The following CDH18 variants were observed in gnomAD, a reference collection of about 807,000 sequenced individuals.
CDH18 encodes the protein cadherin 18.
In CDH18, 31 loss-of-function variants were observed where a neutral mutation model predicts 67.9. That is an observed-to-expected ratio of 0.46 (90% confidence interval 0.34 to 0.62). The LOEUF is 0.62. CDH18 is among the 20% of genes least tolerant of loss of function. The pLI is 0.01. For synonymous variants in CDH18, 362 were observed against 347.2 expected (o/e 1.04, Z -0.48); for missense variants, 890 against 975.5 (o/e 0.91, Z 1.17).
intron 2 of CDH18, among the ~76,000 whole-genome samples, chr5:19,876,431 C>T (rs946330126): frequency 3.3e-5 from 5 of 152,016 alleles, no homozygotes; most frequent in African/African-American, 7.2e-5. Context: ...TAAACAATAA[C>T]GGGCCAGAGA....
chr5:19,474,208 G>C (rs1463310868), intron 12 of CDH18, among the ~76,000 whole-genome samples: 2 of 152,030 alleles, frequency 1.3e-5, no homozygotes, highest in Non-Finnish European at 2.9e-5. Flanking sequence ...TTGATGCTTT[G>C]TAGAAAATCA....
intron 2 of CDH18, among the ~76,000 whole-genome samples, chr5:19,875,970 G>C (rs988166059): frequency 5.3e-5 from 8 of 151,708 alleles, no homozygotes; most frequent in African/African-American, 1.5e-4. Context: ...CCCTAATATA[G>C]AGGTTTTTTT....
At chr5:19,702,506 C>T (rs1048638714) in intron 5 of CDH18, among the ~76,000 whole-genome samples, 3 of 151,520 alleles carry the variant, frequency 2.0e-5, no homozygotes, top group African/African-American at 7.3e-5. Context: ...TGGCTCACAC[C>T]TGTAATCCCA....
At chr5:20,502,196 T>C (rs1471500431) in intron 1 of CDH18, among the ~76,000 whole-genome samples, 5 of 152,190 alleles carry the variant, frequency 3.3e-5, no homozygotes, top group Admixed American at 2.6e-4. Flanking sequence ...CATAATTCTT[T>C]TTGAACTATT....
intron 2 of CDH18, among the ~76,000 whole-genome samples, chr5:19,914,728 A>G (rs1407516961): frequency 6.6e-6 from 1 of 152,108 alleles, no homozygotes; most frequent in Admixed American, 6.6e-5. Flanking sequence ...CCTAGCAATA[A>G]TACTGGCTTT....
At chr5:19,638,608 A>T (rs943695356) in intron 5 of CDH18, among the ~76,000 whole-genome samples, 3 of 151,176 alleles carry the variant, frequency 2.0e-5, no homozygotes, top group Admixed American at 2.0e-4. Flanking sequence ...GATGAGCATG[A>T]GGTGGTATCA....
chr5:20,412,889 G>A (rs1746914265), intron 1 of CDH18, among the ~76,000 whole-genome samples: 1 of 152,138 alleles, frequency 6.6e-6, no homozygotes, highest in Admixed American at 6.5e-5. Context: ...ATGTATACAT[G>A]TGCATGTTGG....
intron 1 of CDH18, among the ~76,000 whole-genome samples, chr5:20,359,775 C>A (rs1741941608): frequency 6.6e-6 from 1 of 151,446 alleles, no homozygotes; most frequent in East Asian, 2.0e-4. Context: ...TTAGCCTCAA[C>A]AAAACATTTG....
intron 2 of CDH18, among the ~76,000 whole-genome samples, chr5:20,169,456 T>A (rs1189063734): frequency 1.3e-5 from 2 of 152,142 alleles, no homozygotes; most frequent in Non-Finnish European, 1.5e-5. Flanking sequence ...CATTTTTCAA[T>A]AAAGTATATT....
intron 1 of CDH18, among the ~76,000 whole-genome samples, chr5:20,501,096 A>G (rs1273872380): frequency 6.6e-6 from 1 of 152,130 alleles, no homozygotes; most frequent in Non-Finnish European, 1.5e-5. Flanking sequence ...CACACAGCAA[A>G]TAAAATGTCA....
chr5:19,503,244 G>T (rs1743559243), intron 10 of CDH18, 135 bp from the exon 11 acceptor site: 5 of 595,782 alleles, frequency 8.4e-6, no homozygotes, highest in East Asian at 2.8e-5. Flanking sequence ...TTCAAATTCA[G>T]GTCATAAAAC....
At chr5:20,520,082 G>A (rs1755650515) in intron 1 of CDH18, among the ~76,000 whole-genome samples, 1 of 147,730 alleles carries the variant, frequency 6.8e-6, no homozygotes. Flanking sequence ...TTACAGGTGT[G>A]AGCCACCACG....
chr5:20,407,912 ACT>A (rs1746429286), intron 1 of CDH18, among the ~76,000 whole-genome samples: 2 of 152,030 alleles, frequency 1.3e-5, no homozygotes, highest in Non-Finnish European at 2.9e-5. Flanking sequence ...ATCCTAAAAG[ACT>A]CTCTCTGCCT....
At chr5:19,671,489 G>GT (rs1375574844) in intron 5 of CDH18, among the ~76,000 whole-genome samples, 22 of 152,042 alleles carry the variant, frequency 1.4e-4, no homozygotes, top group African/African-American at 5.3e-4. Context: ...AGTTAATTGT[G>GT]TTTTTCATAT....
chr5:19,738,141 G>T (rs1768605878), intron 4 of CDH18, among the ~76,000 whole-genome samples: 4 of 151,940 alleles, frequency 2.6e-5, no homozygotes, highest in Non-Finnish European at 4.4e-5. Flanking sequence ...TTTAGTTTTA[G>T]ACACTTTGTT....
intron 5 of CDH18, among the ~76,000 whole-genome samples, chr5:19,618,467 A>T (rs1750185774): frequency 6.6e-6 from 1 of 152,088 alleles, no homozygotes; most frequent in African/African-American, 2.4e-5. Context: ...TGGCCTCCCG[A>T]AGTGCTGGGA....
At chr5:20,573,696 G>C (rs1758933324) in intron 1 of CDH18, among the ~76,000 whole-genome samples, 2 of 150,040 alleles carry the variant, frequency 1.3e-5, no homozygotes, top group African/African-American at 4.9e-5. Context: ...TTCTGTCTGT[G>C]AATTTGGCAT....
At chr5:20,413,503 T>C (rs1305422791) in intron 1 of CDH18, among the ~76,000 whole-genome samples, 1 of 152,210 alleles carries the variant, frequency 6.6e-6, no homozygotes, top group Non-Finnish European at 1.5e-5. Flanking sequence ...TGATAGCCCT[T>C]CCAACTGGTG....
intron 1 of CDH18, among the ~76,000 whole-genome samples, chr5:20,478,198 A>T (rs934581205): frequency 3.3e-5 from 5 of 151,986 alleles, no homozygotes; most frequent in Admixed American, 6.5e-5. Flanking sequence ...CAATGAGGAG[A>T]GTCTTTTGCT....
Sources: allele counts gnomAD v4.1 joint callset (sites outside exome capture counted in the v4.1 genomes callset), GRCh38; gene constraint gnomAD v4.1.1; transcripts MANE v1.5; gene names NCBI Gene and HGNC (gene_info 2026-07-23, HGNC 2026-07-21).